The following PRPF18 variants were observed in gnomAD, a reference collection of about 807,000 sequenced individuals.
PRPF18 encodes pre-mRNA processing factor 18.
PRPF18 carries 38 observed loss-of-function variants against 46.5 expected under a neutral mutation model. The observed-to-expected ratio is 0.82, with a 90% CI of 0.63 to 1.07. The LOEUF (loss-of-function observed/expected upper bound fraction) is 1.07, where lower values mean the gene tolerates loss of function less well. PRPF18 is among the 50% of genes least tolerant of loss of function. The pLI, the probability that PRPF18 is intolerant of heterozygous loss-of-function variation, is 0.00. For missense variants in PRPF18, 263 were observed against 410.0 expected (o/e 0.64, Z 3.10); for synonymous variants, 152 against 146.7 (o/e 1.04, Z -0.26).
intron 9 of PRPF18, among the ~76,000 whole-genome samples, chr10:13,629,571 C>T (rs1983888): frequency 2.6e-5 from 4 of 152,122 alleles, no homozygotes; most frequent in African/African-American, 9.7e-5. Context: ...TTTGAAAAAC[C>T]GTTCCACCAT....
intron 9 of PRPF18, among the ~76,000 whole-genome samples, chr10:13,624,432 A>G (rs543844683): frequency 6.6e-6 from 1 of 152,360 alleles, no homozygotes; most frequent in Admixed American, 6.5e-5. Flanking sequence ...GGAGGATATT[A>G]GGCACTTCTC....
intron 3 of PRPF18, among the ~76,000 whole-genome samples, chr10:13,602,765 C>T (rs1053406536): frequency 6.6e-6 from 1 of 152,188 alleles, no homozygotes; most frequent in African/African-American, 2.4e-5. Flanking sequence ...CAAAGTCTCA[C>T]TGTGTCTCCC....
chr10:13,640,858 A>G, the PRPF18 span: 1 of 152,482 alleles, frequency 6.6e-6, no homozygotes, highest in African/African-American at 2.4e-5. Flanking sequence ...CTAAGCATCC[A>G]ATGTCAGCTG....
intron 9 of PRPF18, among the ~76,000 whole-genome samples, chr10:13,619,769 A>G (rs1328763211): frequency 1.3e-5 from 2 of 151,814 alleles, no homozygotes; most frequent in Non-Finnish European, 2.9e-5. Context: ...ACTTGAGCTC[A>G]TTGTTACCTT....
At chr10:13,647,877 T>C in the PRPF18 span, 1 of 152,136 alleles carries the variant, frequency 6.6e-6, no homozygotes, top group Non-Finnish European at 1.5e-5. Context: ...CAGCCTCTCT[T>C]CAATGATCCT....
At chr10:13,617,843 A>G (rs1333734509) in intron 9 of PRPF18, among the ~76,000 whole-genome samples, 1 of 152,130 alleles carries the variant, frequency 6.6e-6, no homozygotes, top group African/African-American at 2.4e-5. Context: ...CTTCCCATTA[A>G]AAAAAATTCT....
chr10:13,615,278 T>G (rs2080323457), intron 8 of PRPF18, among the ~76,000 whole-genome samples: 1 of 152,228 alleles, frequency 6.6e-6, no homozygotes, highest in Non-Finnish European at 1.5e-5. Context: ...CAGAACTAAG[T>G]GCAAGTGCAA....
At chr10:13,602,510 G>GT (rs1270811763) in intron 3 of PRPF18, among the ~76,000 whole-genome samples, 1,857 of 141,730 alleles carry the variant, frequency 0.013, 12 homozygotes, top group African/African-American at 0.016. Flanking sequence ...TTTTCATTAT[G>GT]TTTTTTTTTT....
the PRPF18 span, chr10:13,637,014 T>A: frequency 6.6e-6 from 1 of 152,238 alleles, no homozygotes; most frequent in Non-Finnish European, 1.5e-5. Context: ...GTTCTGATAC[T>A]TACTCATCCC....
intron 9 of PRPF18, 108 bp from the exon 10 acceptor site, chr10:13,630,151 CT>C: frequency 1.1e-6 from 1 of 886,108 alleles, no homozygotes; most frequent in Non-Finnish European, 1.8e-6. Context: ...TTGCTTGGGT[CT>C]GCTGCATTTT....
At chr10:13,615,806 T>TG (rs1442758690) in intron 8 of PRPF18, among the ~76,000 whole-genome samples, 1 of 146,880 alleles carries the variant, frequency 6.8e-6, no homozygotes, top group African/African-American at 2.5e-5. Flanking sequence ...GGGGGTGGGG[T>TG]GGGGGGCAAA....
chr10:13,606,750 A>AAAAAAC (rs2080191467), intron 4 of PRPF18, among the ~76,000 whole-genome samples: 1 of 151,654 alleles, frequency 6.6e-6, no homozygotes, highest in East Asian at 1.9e-4. Context: ...AAAAAAAAAA[A>AAAAAAC]AAAAAAAACA....
chr10:13,654,108 G>T, the PRPF18 span: 47 of 519,202 alleles, frequency 9.1e-5, 1 homozygote, highest in South Asian at 1.4e-3. Context: ...AATCCAAACC[G>T]AAATGAAATG....
intron 1 of PRPF18, chr10:13,592,154 A>G (rs1002380790): frequency 6.6e-6 from 4 of 608,316 alleles, no homozygotes; most frequent in Non-Finnish European, 1.2e-5. Flanking sequence ...CACATCGGGA[A>G]TACCTGCCAA....
chr10:13,600,364 A>G lies in PRPF18; in HGVS notation c.249+16A>G, dbSNP rs1331044992. ...TAGGCAAGAGGTAAGTTTATTTGTG[A>G]TGGTTTCATGAGAATAAGATCTCCA... On this transcript the variant is annotated intron_variant, in intron 3 of 9. Transcript: ENST00000378572. The G allele has an allele frequency of 6.4e-7, 1 of 1,561,672 alleles. No homozygotes were observed. Among genetic ancestry groups the G allele is most frequent in the Admixed American group, 1.7e-5 (1 of 58,600 alleles).
chr10:13,644,835 TG>T, the PRPF18 span: 1 of 152,118 alleles, frequency 6.6e-6, no homozygotes, highest in African/African-American at 2.4e-5. Flanking sequence ...GCTCTAACCA[TG>T]AAAGTAAAAG....
chr10:13,630,214 A>T, intron 9 of PRPF18, 46 bp from the exon 10 acceptor site: 1 of 1,445,324 alleles, frequency 6.9e-7, no homozygotes, highest in Non-Finnish European at 9.7e-7. Context: ...AGTTAAGAAT[A>T]ATTTAACCAT....
chr10:13,588,447 C>T (rs369987032), intron 1 of PRPF18, among the ~76,000 whole-genome samples: 2 of 151,608 alleles, frequency 1.3e-5, no homozygotes, highest in East Asian at 1.9e-4. Flanking sequence ...TGTGGTGGTG[C>T]GCGCGTCTAG....
chr10:13,618,832 G>C (rs1391277715), intron 9 of PRPF18, among the ~76,000 whole-genome samples: 4 of 152,122 alleles, frequency 2.6e-5, no homozygotes, highest in Non-Finnish European at 1.5e-5. Flanking sequence ...GATAGAGCAA[G>C]AGAGGTGATA....
Sources: gnomAD v4.1 joint callset for allele counts (sites outside exome capture counted in the v4.1 genomes callset) on GRCh38, gnomAD v4.1.1 for gene constraint, MANE v1.5 for transcripts, NCBI Gene and HGNC (gene_info 2026-07-23, HGNC 2026-07-21) for gene names.